The following STKLD1 variants were observed in gnomAD, a reference collection of about 807,000 sequenced individuals.
The protein encoded by STKLD1 is serine/threonine kinase like domain containing 1.
In STKLD1, 79 loss-of-function variants were observed where a neutral mutation model predicts 80.4. The ratio of observed to expected loss-of-function variants is 0.98; its 90% CI spans 0.82 to 1.19. STKLD1 has a LOEUF of 1.19. Among genes scored for constraint, STKLD1 ranks in the 50% most tolerant of loss-of-function variants. STKLD1 has a pLI of 0.00. For synonymous variants in STKLD1, 393 were observed against 357.6 expected (o/e 1.10, Z -1.12); for missense variants, 841 against 856.0 (o/e 0.98, Z 0.22).
intron 2 of STKLD1, among the ~76,000 whole-genome samples, chr9:133,380,592 G>T (rs2130263989): frequency 6.6e-6 from 1 of 152,248 alleles, no homozygotes; most frequent in South Asian, 2.1e-4. Flanking sequence ...GGCGGAGGTT[G>T]CAGTGAGTCG....
At position 133,401,785 on chromosome 9, in the gene STKLD1, A is replaced by C. The variant is rs1554777711; in HGVS notation, c.1246A>C (p.Thr416Pro). ...EAKAPCNQAI[T>P]STLLSALQSH... The stretch of plus-strand genomic sequence containing the variant: ...CAAGGCTCCCTGCAACCAAGCCATC[A>C]CCTCCACCCTGCTGAGTGCTCTTCA... Residue 416 changes from threonine (T) to proline (P), a missense_variant, in exon 13 of 18, where the codon ACC (threonine) becomes CCC (proline). Physicochemically the swap from Thr to Pro is conservative, Grantham distance 38. Transcript: ENST00000371957. 1.9e-6 allele frequency: 3 copies of C among 1,613,102 alleles called. No homozygotes were observed.
Position 133,390,927 on chromosome 9 carries a change from G to C in STKLD1, c.583+131G>C. The C allele has an allele frequency of 1.4e-6, 1 of 722,322 alleles. No individual in the cohort carries two copies. The highest frequency in any genetic ancestry group is 2.4e-6 in the Non-Finnish European group (1 of 413,340). The allele number at this position is 722,322 out of a possible 1,614,324, so 44.7% of individuals were successfully genotyped here. A position where few individuals can be genotyped will look rare whatever the true frequency, so the allele number is the denominator to read the frequency against. On this transcript the variant is annotated intron_variant, in intron 7 of 17. Coordinates refer to ENST00000371957, the MANE Select transcript of STKLD1 (RefSeq NM_153710.5). This position sits in a 1 kb window ranked among gnomAD's most constrained non-coding sequence, Gnocchi z 5.1. ...GCTCAGAAGGTCCCCACAAAGCCCT[G>C]GCCTTGTGTAAACTCCAAAGAGACC...
rs1838828495 is a variant in STKLD1, at chr9:133,405,397, C to T, written c.2019C>T (p.Cys673=). The T allele has an allele frequency of 1.2e-6, 2 of 1,610,452 alleles. No homozygotes were observed. The highest frequency in any genetic ancestry group is 2.7e-5 in the African/African-American group (2 of 74,900). ...LPPGGSPQLG[C]TTSGGLE is the part of the protein sequence containing the mutation. Reference sequence around the variant, plus strand: ...CAGGTGGAAGCCCCCAGCTGGGGTGCACCACGTCTGGGGGACTGGAATAGA... The same window carrying T: ...CAGGTGGAAGCCCCCAGCTGGGGTGTACCACGTCTGGGGGACTGGAATAGA... The change falls in exon 18 of 18, where the codon TGC becomes TGT. Residue 673 remains cysteine (C), a synonymous_variant. Coordinates refer to ENST00000371957, the MANE Select transcript of STKLD1 (RefSeq NM_153710.5).
chr9:133,380,817 T>C (rs1466187642), intron 2 of STKLD1, among the ~76,000 whole-genome samples: 1 of 152,158 alleles, frequency 6.6e-6, no homozygotes, highest in African/African-American at 2.4e-5. Context: ...ATCGTTAAAG[T>C]TGATAGCATC....
intron 7 of STKLD1, among the ~76,000 whole-genome samples, chr9:133,391,167 G>A (rs1838383862): frequency 6.6e-6 from 1 of 151,092 alleles, no homozygotes; most frequent in South Asian, 2.1e-4. Flanking sequence ...CCGGCCAGCC[G>A]CCCCGTCCGG....
chr9:133,391,808 C>A (rs1838403902), intron 7 of STKLD1, among the ~76,000 whole-genome samples: 1 of 151,294 alleles, frequency 6.6e-6, no homozygotes, highest in South Asian at 2.1e-4. Flanking sequence ...CTGCCAAATC[C>A]CCCTCTGCGA....
chr9:133,387,732 A>T lies in STKLD1; in HGVS notation c.396+184A>T, dbSNP rs1488643966. The stretch of plus-strand genomic sequence containing the variant: ...GTGCAGATCTTAAGTGCACAGTTTG[A>T]TGCACTCACACAACTTCCACCCAGA... On this transcript the variant is annotated intron_variant, in intron 5 of 17. Transcript: ENST00000371957. The T allele has an allele frequency of 4.4e-6, 3 of 688,410 alleles. No homozygotes were observed. In the African/African-American group the frequency reaches 5.3e-5, roughly 12 times the overall value. The allele number at this position is 688,410 out of a possible 1,614,324, so 42.6% of individuals were successfully genotyped here.
rs1564382351 is a variant in STKLD1, at chr9:133,397,152, C to T, written c.867-12C>T. 1 of 1,613,790 alleles carries T rather than the reference C, an allele frequency of 6.2e-7. No homozygotes were observed. The highest frequency in any genetic ancestry group is 1.7e-5 in the Admixed American group (1 of 60,012). On this transcript the variant is annotated splice_polypyrimidine_tract_variant and intron_variant, in intron 9 of 17. Transcript: ENST00000371957. ...CTGCTGGGTTACTCAGCCCTCTCTG[C>T]TCCTCTGCTAGGGACGTGGTGCACA...
chr9:133,399,705 C>G (rs1371955286), intron 11 of STKLD1, among the ~76,000 whole-genome samples: 1 of 152,122 alleles, frequency 6.6e-6, no homozygotes, highest in Non-Finnish European at 1.5e-5. Context: ...ATGGTGAAAC[C>G]CTGTCTCTAC....
rs782524524 is a variant in STKLD1, at chr9:133,403,786, G to C, written c.1561G>C (p.Ala521Pro). 6.2e-7 allele frequency: 1 copy of C among 1,613,570 alleles called. No homozygotes were observed. Among genetic ancestry groups the C allele is most frequent in the Non-Finnish European group, 8.5e-7 (1 of 1,179,966 alleles). ...LATYPADGEM[A>P]EASCGVFWLL... Reference sequence around the variant, plus strand: ...CACCTACCCTGCGGATGGGGAAATGGCAGAAGCCAGCTGCGGAGTCTTCTG... The same window carrying C: ...CACCTACCCTGCGGATGGGGAAATGCCAGAAGCCAGCTGCGGAGTCTTCTG... The change falls in exon 15 of 18, where the codon GCA becomes CCA. Residue 521 changes from alanine to proline, a missense_variant. By Grantham distance (27) the Ala-to-Pro change is conservative. Coordinates refer to ENST00000371957, the MANE Select transcript of STKLD1 (RefSeq NM_153710.5).
In STKLD1 at chr9:133,402,855, C is replaced by G. The variant is rs1554777901; in HGVS notation, c.1340-23C>G. On this transcript the variant is annotated intron_variant, in intron 13 of 17. Transcript: ENST00000371957. The stretch of plus-strand genomic sequence containing the variant: ...CTTCCTGGAGGGAGGGGCCCTGGGG[C>G]CCTCATTCTGGCTCACCCACAGAGT... 4 of 1,592,262 alleles carry G rather than the reference C, an allele frequency of 2.5e-6. No homozygotes were observed. The Admixed American group carries it at 5.2e-5, about 21-fold the overall frequency.
chr9:133,404,886 G>A lies in STKLD1; in HGVS notation c.1830G>A (p.Val610=). 6.2e-7 allele frequency: 1 copy of A among 1,613,382 alleles called. No homozygotes were observed. The highest frequency in any genetic ancestry group is 8.5e-7 in the Non-Finnish European group (1 of 1,179,792). The part of the protein sequence containing the change: ...TYQLHRDDPE[V]VENVGMLLVH... ...AGCTCCACAGGGACGACCCGGAGGT[G>A]GTGGAGAACGTGGGCATGCTGCTGG... Residue 610 remains valine, a synonymous_variant, in exon 17 of 18, where the codon GTG becomes GTA. Transcript: ENST00000371957.
rs1391231931 is a variant in STKLD1, at chr9:133,389,181, T to G, written c.397-345T>G. On this transcript the variant is annotated intron_variant, in intron 5 of 17. Transcript: ENST00000371957. The surrounding 1 kb of genome is among the most constrained non-coding windows in gnomAD (Gnocchi z 6.4). ...GCACTGAAGGCTTCCACCTCTCCCA[T>G]ACCCGCAAGGCCGATCTGCCTTCAG... 1 of 985,130 alleles carries G rather than the reference T, an allele frequency of 1.0e-6. No individual in the cohort carries two copies. The allele number at this position is 985,130 out of a possible 1,614,324, so 61.0% of individuals were successfully genotyped here. A position where few individuals can be genotyped will look rare whatever the true frequency, so the allele number is the denominator to read the frequency against.
In STKLD1 at chr9:133,403,982, T is replaced by C; in HGVS notation, c.1666T>C (p.Cys556Arg). The stretch of plus-strand genomic sequence containing the variant: ...GCTGCTCCTGCAAAGCATCCGGCTG[T>C]GCCAGGACAGAGCCCTGCTGGTGAA... ...VALLLQSIRL[C>R]QDRALLVNNA... Residue 556 changes from cysteine to arginine, a missense_variant, in exon 16 of 18, where the codon TGC becomes CGC. Transcript: ENST00000371957. 6.2e-7 allele frequency: 1 copy of C among 1,611,980 alleles called. No homozygotes were observed. The highest frequency in any genetic ancestry group is 1.1e-5 in the South Asian group (1 of 90,890).
intron 9 of STKLD1, 198 bp downstream of exon 9, chr9:133,395,961 C>T (rs1010870352): frequency 2.5e-5 from 14 of 551,456 alleles, no homozygotes; most frequent in South Asian, 1.8e-4. Context: ...CCCGAATGTA[C>T]GGTGGAGTGA....
chr9:133,390,255 C>T lies in STKLD1; in HGVS notation c.468-426C>T, dbSNP rs1366098619. Among the ~76,000 whole-genome samples the T allele has an allele frequency of 1.4e-5, 2 of 146,464 alleles. No homozygotes were observed. Among genetic ancestry groups the T allele is most frequent in the Non-Finnish European group, 3.0e-5 (2 of 66,956 alleles). ...CACACACACACACACACACACACCA[C>T]GCAGACCATACGTACAAAGGGAATG... is the stretch of plus-strand genomic sequence containing the variant. On this transcript the variant is annotated intron_variant, in intron 6 of 17. Transcript: ENST00000371957. The surrounding 1 kb of genome is among the most constrained non-coding windows in gnomAD (Gnocchi z 5.1).
chr9:133,391,489 C>T (rs1838397838), intron 7 of STKLD1, among the ~76,000 whole-genome samples: 1 of 151,294 alleles, frequency 6.6e-6, no homozygotes, highest in African/African-American at 2.4e-5. Context: ...AAGAAGTAGA[C>T]ATGGGAGACT....
At position 133,397,187 on chromosome 9, in the gene STKLD1, T is replaced by C. The variant is rs782239478; in HGVS notation, c.890T>C (p.Leu297Ser). The change falls in exon 10 of 18, where the codon TTG becomes TCG. Residue 297 changes from leucine to serine, a missense_variant. Physicochemically the swap from Leu to Ser is moderately radical, Grantham distance 145 (BLOSUM62 -2). Coordinates refer to ENST00000371957, the MANE Select transcript of STKLD1 (RefSeq NM_153710.5). ...AGGGACGTGGTGCACATCACCTTCTTGAGAGGCTCCTTCAAGTCCTCGTGC... is the reference window on the plus strand; with the variant it reads ...AGGGACGTGGTGCACATCACCTTCTCGAGAGGCTCCTTCAAGTCCTCGTGC... The part of the protein sequence containing the change: ...TIKDVVHITF[L>S]RGSFKSSCVS... The C allele has an allele frequency of 1.2e-6, 2 of 1,613,986 alleles. No individual in the cohort carries two copies. The highest frequency in any genetic ancestry group is 2.2e-5 in the South Asian group (2 of 91,072).
In STKLD1 at chr9:133,389,632, C is replaced by T. The variant is rs1448964139; in HGVS notation, c.467+36C>T. 1.9e-6 allele frequency: 3 copies of T among 1,611,450 alleles called. No homozygotes were observed. The African/African-American group carries it at 4.0e-5, about 22-fold the overall frequency. On this transcript the variant is annotated intron_variant, in intron 6 of 17. Transcript: ENST00000371957. The surrounding 1 kb of genome is among the most constrained non-coding windows in gnomAD (Gnocchi z 6.4). ...CCCCTGACCTCTGCGGACTGGCTGG[C>T]TGCTTCGGGAGAAAAGGCACTGAGG...
Sources: allele counts gnomAD v4.1 joint callset (sites outside exome capture counted in the v4.1 genomes callset), GRCh38; gene constraint gnomAD v4.1.1; non-coding constraint Gnocchi (gnomAD v3.1); transcripts MANE v1.5; gene names NCBI Gene and HGNC (gene_info 2026-07-23, HGNC 2026-07-21).